CKAP5: variants seen among roughly 807,000 people sequenced by gnomAD.
CKAP5 encodes cytoskeleton-associated protein 5.
Under a neutral mutation model 232.8 loss-of-function variants are expected in CKAP5, and 27 were observed. The observed-to-expected ratio is 0.12, with a 90% CI of 0.09 to 0.16. The LOEUF is 0.16. Among genes scored for constraint, CKAP5 ranks in the 10% least tolerant of loss-of-function variants. The pLI is 1.00. For synonymous variants in CKAP5, 785 were observed against 841.1 expected (o/e 0.93, Z 1.16); for missense variants, 1,838 against 2,424.7 (o/e 0.76, Z 5.08).
intron 35 of CKAP5, 62 bp from the exon 36 acceptor site, chr11:46,755,129 A>G: frequency 8.2e-7 from 1 of 1,221,114 alleles, no homozygotes; most frequent in Non-Finnish European, 1.1e-6. Context: ...AGCGGAAGAC[A>G]CTATATGAAA....
intron 33 of CKAP5, chr11:46,760,238 C>T (rs2065143249): frequency 3.0e-6 from 1 of 338,820 alleles, no homozygotes. Flanking sequence ...TATGGACACC[C>T]TCTACCCTGA....
chr11:46,838,665 A>G (rs1406099177), intron 1 of CKAP5, among the ~76,000 whole-genome samples: 1 of 145,406 alleles, frequency 6.9e-6, no homozygotes, highest in African/African-American at 2.6e-5. Context: ...GTGTGGTGGC[A>G]CTCGCCTGTA....
intron 1 of CKAP5, 126 bp from the exon 2 acceptor site, chr11:46,821,394 G>T: frequency 4.7e-6 from 2 of 425,224 alleles, no homozygotes. Flanking sequence ...TCTTTCGTCA[G>T]ATCCCCACTT....
At chr11:46,757,336 C>T (rs1218703882) in intron 35 of CKAP5, among the ~76,000 whole-genome samples, 4 of 150,566 alleles carry the variant, frequency 2.7e-5, no homozygotes, top group African/African-American at 7.3e-5. Flanking sequence ...CTACTAAAAA[C>T]ACAAAAATTA....
At chr11:46,830,170 G>A (rs770061878) in intron 1 of CKAP5, among the ~76,000 whole-genome samples, 9 of 151,890 alleles carry the variant, frequency 5.9e-5, no homozygotes, top group Non-Finnish European at 7.4e-5. Context: ...GGCCGGGCAC[G>A]GTGGCTCACG....
chr11:46,792,049 A>G (rs1324175344), intron 13 of CKAP5, among the ~76,000 whole-genome samples: 1 of 152,234 alleles, frequency 6.6e-6, no homozygotes, highest in Non-Finnish European at 1.5e-5. Flanking sequence ...TATCGACAGT[A>G]TGGTTTTGCT....
At chr11:46,756,377 A>G (rs1332381499) in intron 35 of CKAP5, among the ~76,000 whole-genome samples, 1 of 152,222 alleles carries the variant, frequency 6.6e-6, no homozygotes, top group Admixed American at 6.5e-5. Flanking sequence ...AATACAAACA[A>G]AAAACCTGCA....
At chr11:46,796,706 ACTC>A in intron 12 of CKAP5, 103 bp downstream of exon 12, 1 of 1,259,366 alleles carries the variant, frequency 7.9e-7, no homozygotes, top group Non-Finnish European at 1.1e-6. Flanking sequence ...AAAATCAAGA[ACTC>A]CTCATCAAAA....
chr11:46,803,941 G>A (rs1161256870), intron 8 of CKAP5, among the ~76,000 whole-genome samples: 1 of 152,080 alleles, frequency 6.6e-6, no homozygotes, highest in Non-Finnish European at 1.5e-5. Flanking sequence ...ATATATTCTA[G>A]GAATGGACAT....
Position 46,793,118 on chromosome 11 carries a change from C to CAAAACAATCAAATCAACAATAAAA in CKAP5, c.1650+2452_1650+2475dup, listed in dbSNP as rs1938780660. 3.3e-5 allele frequency among the ~76,000 whole-genome samples: 5 copies of CAAAACAATCAAATCAACAATAAAA among 152,180 alleles called. No homozygotes were observed. The South Asian group carries it at 1.0e-3, about 32-fold the overall frequency. On this transcript the variant is annotated intron_variant, in intron 13 of 43. Coordinates refer to ENST00000529230, the MANE Select transcript of CKAP5 (RefSeq NM_001008938.4). ...CAATATGGTGTGGGGATACAGTAAA[C>CAAAACAATCAAATCAACAATAAAA]AAAACAATCAAATCAACAATAAAAA...
rs796365632 is a variant in CKAP5 at position 46,778,488 on chromosome 11, C to T, written c.2545G>A (p.Val849Ile). Residue 849 changes from valine (V) to isoleucine (I), a missense_variant, in exon 21 of 44, where the codon GTT becomes ATT. Val to Ile is a conservative substitution (Grantham distance 29). Coordinates refer to ENST00000529230, the MANE Select transcript of CKAP5 (RefSeq NM_001008938.4). The stretch of plus-strand genomic sequence containing the variant: ...ATCTCCGTCCTCGGCAAAAGATCAA[C>T]GACATCATTGCTCCCGTCATCTGGT... ...DEPDDGSNDV[V>I]DLLPRTEISD... 9.9e-6 allele frequency: 16 copies of T among 1,613,932 alleles called. No homozygotes were observed. Among genetic ancestry groups the T allele is most frequent in the East Asian group, 4.5e-5 (2 of 44,882 alleles).
Position 46,795,698 on chromosome 11 carries a change from G to T in CKAP5, c.1546C>A (p.Pro516Thr). 6.2e-7 allele frequency: 1 copy of T among 1,614,090 alleles called. No individual in the cohort carries two copies. Among genetic ancestry groups the T allele is most frequent in the South Asian group, 1.1e-5 (1 of 91,072 alleles). ...GAAGCAGCAGTCCTTCCAGGCAGAG[G>T]TTTGAATTCCTTCTTATCAGCAGCT... ...GLAADKKEFK[P>T]LPGRTAASGA... The change falls in exon 13 of 44, where the codon CCT (proline) becomes ACT (threonine). Residue 516 changes from proline to threonine, a missense_variant. Physicochemically the swap from Pro to Thr is conservative, Grantham distance 38. Coordinates refer to ENST00000529230, the MANE Select transcript of CKAP5 (RefSeq NM_001008938.4).
chr11:46,746,903 G>C (rs115172036), intron 42 of CKAP5, among the ~76,000 whole-genome samples: 2,922 of 152,272 alleles, frequency 0.019, 98 homozygotes, highest in African/African-American at 0.067. Context: ...GAGGTGGGGG[G>C]ATCACTTGAG....
At chr11:46,756,916 C>T (rs997455295) in intron 35 of CKAP5, among the ~76,000 whole-genome samples, 1 of 151,258 alleles carries the variant, frequency 6.6e-6, no homozygotes. Context: ...CCACTATGCC[C>T]GGCTATTTTT....
intron 33 of CKAP5, 37 bp from the exon 34 acceptor site, chr11:46,759,479 G>A (rs1344152400): frequency 6.3e-7 from 1 of 1,587,482 alleles, no homozygotes; most frequent in East Asian, 2.2e-5. Flanking sequence ...AACTAAAAGA[G>A]ACTTCTTAAC....
In CKAP5 at chr11:46,777,699, T is replaced by G. The variant is rs898172844; in HGVS notation, c.2749-147A>C. 8.5e-6 allele frequency: 5 copies of G among 585,190 alleles called. No homozygotes were observed. The African/African-American group carries it at 9.4e-5, about 11-fold the overall frequency. The allele number at this position is 585,190 out of a possible 1,614,324, so 36.2% of individuals were successfully genotyped here. A position where few individuals can be genotyped will look rare whatever the true frequency, so the allele number is the denominator to read the frequency against. ...ACACTGGCTTGTCATGCTATTCGAC[T>G]TAGATTATTCTAATTAATTTTTAGG... On this transcript the variant is annotated intron_variant, in intron 22 of 43. Transcript: ENST00000529230.
intron 1 of CKAP5, among the ~76,000 whole-genome samples, chr11:46,829,933 C>T (rs1346062462): frequency 6.6e-6 from 1 of 151,036 alleles, no homozygotes; most frequent in Admixed American, 6.6e-5. Context: ...ATAATGACCC[C>T]CAAAGAAATC....
chr11:46,816,766 T>C lies in CKAP5; in HGVS notation c.252-362A>G, dbSNP rs1357120627. On this transcript the variant is annotated intron_variant, in intron 3 of 43. Transcript: ENST00000529230. ...ACAAATATACTTTACAAAAGTAGGG[T>C]TACAGAATGCTTGCTTTCAATTTTT... 2.7e-5 allele frequency among the ~76,000 whole-genome samples: 4 copies of C among 150,600 alleles called. No individual in the cohort carries two copies. The East Asian group carries it at 7.8e-4, about 30-fold the overall frequency.
chr11:46,796,748 C>G (rs1389777322), intron 12 of CKAP5, 64 bp downstream of exon 12: 1 of 1,584,962 alleles, frequency 6.3e-7, no homozygotes, highest in African/African-American at 1.3e-5. Context: ...TGTCAAGAGA[C>G]AAAGCCATGA....
Sources: allele counts gnomAD v4.1 joint callset (sites outside exome capture counted in the v4.1 genomes callset), GRCh38; gene constraint gnomAD v4.1.1; transcripts MANE v1.5; gene names NCBI Gene and HGNC (gene_info 2026-07-23, HGNC 2026-07-21).